The following RGS7 variants were observed in gnomAD, a reference collection of about 807,000 sequenced individuals.
The protein encoded by RGS7 is regulator of G-protein signaling 7.
A neutral mutation model predicts 81.1 loss-of-function variants in RGS7; 27 were observed. The observed-to-expected ratio is 0.33, with a 90% confidence interval of 0.25 to 0.46. The LOEUF (loss-of-function observed/expected upper bound fraction) is 0.46, where lower values mean the gene tolerates loss of function less well. RGS7 is among the 20% of genes least tolerant of loss of function. The pLI is 1.00. For missense variants in RGS7, 396 were observed against 607.4 expected (o/e 0.65, Z 3.66); for synonymous variants, 208 against 207.7 (o/e 1.00, Z -0.01).
intron 3 of RGS7, among the ~76,000 whole-genome samples, chr1:241,039,804 C>T (rs1464777294): frequency 1.3e-5 from 2 of 149,748 alleles, no homozygotes; most frequent in East Asian, 3.9e-4. Context: ...AGAGCCATAA[C>T]ATGGAAGGAT....
chr1:240,793,611 A>ATATATTTTTTTTTTTTTTTTTTT, intron 18 of RGS7, among the ~76,000 whole-genome samples: 4 of 78,814 alleles, frequency 5.1e-5, no homozygotes, highest in African/African-American at 3.9e-4. Context: ...ATATATATAT[A>ATATATTTTTTTTTTTTTTTTTTT]TTTTTTTTTT....
At chr1:240,996,766 T>G (rs1342001826) in intron 3 of RGS7, among the ~76,000 whole-genome samples, 1 of 152,232 alleles carries the variant, frequency 6.6e-6, no homozygotes, top group African/African-American at 2.4e-5. Flanking sequence ...CCTCTGTCTT[T>G]TAAATAGTAT....
intron 2 of RGS7, among the ~76,000 whole-genome samples, chr1:241,182,945 T>C (rs1019900286): frequency 4.3e-5 from 4 of 93,798 alleles, no homozygotes; most frequent in Non-Finnish European, 1.1e-4. Context: ...AACGTTTTTC[T>C]TTTTTTTTTT....
chr1:240,879,600 T>C (rs1666046927), intron 6 of RGS7, among the ~76,000 whole-genome samples: 1 of 152,214 alleles, frequency 6.6e-6, no homozygotes, highest in Admixed American at 6.5e-5. Flanking sequence ...TTTCTTTCAT[T>C]CCTACGTTTA....
At chr1:240,962,574 TG>T (rs1681646145) in intron 4 of RGS7, among the ~76,000 whole-genome samples, 1 of 152,180 alleles carries the variant, frequency 6.6e-6, no homozygotes, top group African/African-American at 2.4e-5. Context: ...TAGGTGAAAC[TG>T]GCAAATCAAC....
downstream of RGS7, among the ~76,000 whole-genome samples, chr1:240,774,784 G>A (rs1033304155): frequency 7.2e-5 from 11 of 152,124 alleles, no homozygotes; most frequent in Middle Eastern, 3.4e-3. Context: ...TCACACAGTC[G>A]GCCCTCCTCG....
intron 3 of RGS7, among the ~76,000 whole-genome samples, chr1:240,992,025 GAC>G (rs1686527851): frequency 6.6e-6 from 1 of 152,186 alleles, no homozygotes. Flanking sequence ...ATCTAGTCCA[GAC>G]ACAGTTGCTG....
intron 18 of RGS7, among the ~76,000 whole-genome samples, chr1:240,783,742 T>C (rs868513655): frequency 1.7e-4 from 26 of 152,238 alleles, no homozygotes; most frequent in Middle Eastern, 3.4e-3. Context: ...CTCTTAGCTA[T>C]AGCCTGAGAG....
chr1:241,122,900 A>G (rs1463573002), intron 2 of RGS7, among the ~76,000 whole-genome samples: 2 of 152,198 alleles, frequency 1.3e-5, no homozygotes, highest in African/African-American at 4.8e-5. Context: ...CTGAATGTGT[A>G]TCTCTTTCAC....
chr1:240,869,180 G>A (rs1334749456), intron 7 of RGS7, among the ~76,000 whole-genome samples: 2 of 151,884 alleles, frequency 1.3e-5, no homozygotes, highest in Non-Finnish European at 2.9e-5. Context: ...TGGATTTTTC[G>A]GTACCCACTT....
rs890392440 is a variant in RGS7 at position 241,016,568 on chromosome 1, CA to C, written c.176-33440del. Among the ~76,000 whole-genome samples, 856 of 134,744 alleles carry C rather than the reference CA, an allele frequency of 6.4e-3. 8 individuals are homozygous for C. The highest frequency in any genetic ancestry group is 0.026 in the African/African-American group (784 of 30,632). The allele number at this position is 134,744 out of a possible 152,430, so 88.4% of individuals were successfully genotyped here. A position where few individuals can be genotyped will look rare whatever the true frequency, so the allele number is the denominator to read the frequency against. ...CAACAACAAAAACCAACCAAACAAA[CA>C]AAAAAAAAACCCCATAACAACGTGA... On this transcript the variant is annotated intron_variant, in intron 3 of 18. Transcript: ENST00000440928.
intron 6 of RGS7, among the ~76,000 whole-genome samples, chr1:240,908,235 G>A (rs912697400): frequency 5.3e-5 from 8 of 150,802 alleles, no homozygotes; most frequent in Admixed American, 4.6e-4. Context: ...CATTAGGAGA[G>A]ATACCTAATG....
chr1:240,890,820 G>A (rs1202793526), intron 6 of RGS7, among the ~76,000 whole-genome samples: 1 of 150,140 alleles, frequency 6.7e-6, no homozygotes, highest in Non-Finnish European at 1.5e-5. Flanking sequence ...CCAGTTGTCT[G>A]GGAAGAGCCA....
intron 2 of RGS7, among the ~76,000 whole-genome samples, chr1:241,352,950 T>C (rs1054525561): frequency 1.3e-5 from 2 of 152,206 alleles, no homozygotes; most frequent in Non-Finnish European, 2.9e-5. Flanking sequence ...CAGAGTCATA[T>C]GCAATAAGTA....
At chr1:241,134,501 A>G (rs909906351) in intron 2 of RGS7, among the ~76,000 whole-genome samples, 2 of 152,158 alleles carry the variant, frequency 1.3e-5, no homozygotes. Context: ...TAACAACCAA[A>G]TGTAATGCGT....
At chr1:241,059,125 C>A (rs2061619843) in intron 3 of RGS7, among the ~76,000 whole-genome samples, 1 of 152,226 alleles carries the variant, frequency 6.6e-6, no homozygotes, top group Non-Finnish European at 1.5e-5. Context: ...TTCTCTCCAT[C>A]CACCTCTCAG....
At chr1:240,998,575 G>C in intron 3 of RGS7, 4 of 831,714 alleles carry the variant, frequency 4.8e-6, no homozygotes, top group Non-Finnish European at 8.2e-6. Context: ...GGTACAGATA[G>C]AGCCAGCTGC....
intron 2 of RGS7, among the ~76,000 whole-genome samples, chr1:241,323,329 C>A (rs2081312761): frequency 6.6e-6 from 1 of 152,166 alleles, no homozygotes; most frequent in South Asian, 2.1e-4. Context: ...TGTATGTTTG[C>A]AAGATACAGT....
chr1:240,912,593 GCTT>G (rs1671951276), intron 6 of RGS7, among the ~76,000 whole-genome samples: 1 of 152,058 alleles, frequency 6.6e-6, no homozygotes, highest in Non-Finnish European at 1.5e-5. Context: ...ACTTGTAAAG[GCTT>G]CAGAACTAGT....
Sources: allele counts gnomAD v4.1 joint callset (sites outside exome capture counted in the v4.1 genomes callset), GRCh38; gene constraint gnomAD v4.1.1; transcripts MANE v1.5; gene names NCBI Gene and HGNC (gene_info 2026-07-23, HGNC 2026-07-21).